L2HGDH: variants seen among roughly 807,000 people sequenced by gnomAD.
L2HGDH encodes the protein L-2-hydroxyglutarate dehydrogenase, mitochondrial.
In L2HGDH, 34 loss-of-function variants were observed where a neutral mutation model predicts 51.5. The observed-to-expected ratio is 0.66, with a 90% confidence interval of 0.50 to 0.88. The LOEUF is 0.88. Among genes scored for constraint, L2HGDH ranks in the 40% least tolerant of loss-of-function variants. The pLI is 0.00. For synonymous variants in L2HGDH, 198 were observed against 197.9 expected (o/e 1.00, Z -0.01); for missense variants, 558 against 571.9 (o/e 0.98, Z 0.25).
Position 50,242,869 on chromosome 14 carries a change from G to A in L2HGDH, c.*4189C>T, listed in dbSNP as rs1248875452. 1.0e-6 allele frequency: 1 copy of A among 985,356 alleles called. No individual in the cohort carries two copies. Among genetic ancestry groups the A allele is most frequent in the Non-Finnish European group, 1.2e-6 (1 of 829,954 alleles). The allele number at this position is 985,356 out of a possible 1,614,324, so 61.0% of individuals were successfully genotyped here. A position where few individuals can be genotyped will look rare whatever the true frequency, so the allele number is the denominator to read the frequency against. ...AGTCTAGACACAGATTAAGGGCCCA[G>A]GAGGGCAGAGCCAGTCCTTAAACAA... On this transcript the variant is annotated 3_prime_UTR_variant, in exon 10 of 10. Coordinates refer to ENST00000267436, the MANE Select transcript of L2HGDH (RefSeq NM_024884.3).
At chr14:50,293,260 A>G in intron 4 of L2HGDH, 1 of 702,364 alleles carries the variant, frequency 1.4e-6, no homozygotes, top group Non-Finnish European at 2.6e-6. Context: ...TTTTTTGATA[A>G]GTGATGCTGA....
intron 1 of L2HGDH, among the ~76,000 whole-genome samples, chr14:50,308,138 C>T (rs577266904): frequency 6.6e-6 from 1 of 152,216 alleles, no homozygotes; most frequent in South Asian, 2.1e-4. Flanking sequence ...CGCCTTTAAT[C>T]CCAGCACTTT....
At chr14:50,287,557 T>A (rs1350665654) in intron 4 of L2HGDH, among the ~76,000 whole-genome samples, 2 of 152,042 alleles carry the variant, frequency 1.3e-5, no homozygotes, top group African/African-American at 4.8e-5. Context: ...AATTGGCATG[T>A]CCTTTTGAAG....
chr14:50,305,317 G>T (rs1380022826), intron 1 of L2HGDH, among the ~76,000 whole-genome samples: 1 of 151,990 alleles, frequency 6.6e-6, no homozygotes, highest in Non-Finnish European at 1.5e-5. Flanking sequence ...AAAAAGAGAG[G>T]GCATAAAAAG....
At chr14:50,309,344 C>T (rs1595157520) in intron 1 of L2HGDH, among the ~76,000 whole-genome samples, 2 of 152,102 alleles carry the variant, frequency 1.3e-5, no homozygotes, top group African/African-American at 4.8e-5. Flanking sequence ...GGGTGGATCA[C>T]CTGAGGTCAG....
intron 5 of L2HGDH, among the ~76,000 whole-genome samples, chr14:50,282,814 G>T (rs1890346901): frequency 6.6e-6 from 1 of 152,112 alleles, no homozygotes; most frequent in Non-Finnish European, 1.5e-5. Context: ...GGTCAAGTGG[G>T]CAGATCACTT....
At chr14:50,293,835 C>T (rs1225074655) in intron 4 of L2HGDH, among the ~76,000 whole-genome samples, 1 of 152,202 alleles carries the variant, frequency 6.6e-6, no homozygotes, top group East Asian at 1.9e-4. Context: ...ATACCCAATG[C>T]TCCCAACCAC....
In L2HGDH at chr14:50,303,017, G is replaced by A. The variant is rs1331533062; in HGVS notation, c.141C>T (p.Ser47=). The part of the protein sequence containing the change: ...LCGGSRSAST[S]SFDIVIVGGG... ...CACCAACGATGACTATATCAAATGA[G>A]CTTCAAAAGAAAGTCATCTTTAAAG... Residue 47 remains serine, a splice_region_variant and synonymous_variant, in exon 2 of 10, where the codon AGC becomes AGT. Coordinates refer to ENST00000267436, the MANE Select transcript of L2HGDH (RefSeq NM_024884.3). 2 of 1,584,450 alleles carry A rather than the reference G, an allele frequency of 1.3e-6. No homozygotes were observed. The highest frequency in any genetic ancestry group is 1.3e-5 in the African/African-American group (1 of 74,422).
At chr14:50,263,180 A>G (rs968668771) in intron 9 of L2HGDH, among the ~76,000 whole-genome samples, 1 of 152,242 alleles carries the variant, frequency 6.6e-6, no homozygotes, top group Non-Finnish European at 1.5e-5. Flanking sequence ...TTTGTTTTCC[A>G]AGGAATATCA....
intron 7 of L2HGDH, 143 bp downstream of exon 7, chr14:50,269,020 C>A: frequency 3.2e-6 from 2 of 618,418 alleles, no homozygotes; most frequent in African/African-American, 1.8e-5. Flanking sequence ...AGGGATTTAA[C>A]CACAAGAGAA....
At position 50,246,869 on chromosome 14, in the gene L2HGDH, T is replaced by G. The variant is rs950058993; in HGVS notation, c.*189A>C. On this transcript the variant is annotated 3_prime_UTR_variant, in exon 10 of 10. Coordinates refer to ENST00000267436, the MANE Select transcript of L2HGDH (RefSeq NM_024884.3). Reference sequence around the variant, plus strand: ...TCCTGAGTAGCTGAGATTACAGGCATGCGCCACCATGCCTGGCTAATTTTT... The same window carrying G: ...TCCTGAGTAGCTGAGATTACAGGCAGGCGCCACCATGCCTGGCTAATTTTT... The G allele has an allele frequency of 3.9e-5, 38 of 986,244 alleles. No individual in the cohort carries two copies. In the Admixed American group the frequency reaches 1.1e-3, roughly 29 times the overall value. The allele number at this position is 986,244 out of a possible 1,614,324, so 61.1% of individuals were successfully genotyped here. A position where few individuals can be genotyped will look rare whatever the true frequency, so the allele number is the denominator to read the frequency against.
intron 4 of L2HGDH, among the ~76,000 whole-genome samples, chr14:50,285,596 T>G (rs1379506106): frequency 6.6e-6 from 1 of 152,226 alleles, no homozygotes; most frequent in Non-Finnish European, 1.5e-5. Flanking sequence ...CCATGAAAAC[T>G]TCCTTACCTA....
intron 9 of L2HGDH, among the ~76,000 whole-genome samples, chr14:50,262,611 A>G (rs556384485): frequency 4.1e-4 from 62 of 152,174 alleles, no homozygotes; most frequent in African/African-American, 1.4e-3. Flanking sequence ...TTCCCTCACC[A>G]GAGGTAACCA....
intron 3 of L2HGDH, among the ~76,000 whole-genome samples, chr14:50,301,411 G>A (rs2139211071): frequency 6.7e-6 from 1 of 149,154 alleles, no homozygotes; most frequent in South Asian, 2.1e-4. Flanking sequence ...GCCAAAAGGT[G>A]GAAACAATCC....
chr14:50,302,083 T>A lies in L2HGDH; in HGVS notation c.342A>T (p.Val114=), dbSNP rs1194549916. Residue 114 remains valine, a synonymous_variant, in exon 3 of 10, where the codon GTA becomes GTT. Transcript: ENST00000267436. ...KPESLKAKLC[V]QGAALLYEYC... ...ACTCATAGAGGAGGGCTGCACCTTG[T>A]ACACATAATTTGGCTTTCAGAGACT... The A allele has an allele frequency of 3.1e-6, 5 of 1,614,038 alleles. No homozygotes were observed. Among genetic ancestry groups the A allele is most frequent in the Non-Finnish European group, 4.2e-6 (5 of 1,180,026 alleles).
In L2HGDH at chr14:50,245,259, C is replaced by G. The variant is rs1020138071; in HGVS notation, c.*1799G>C. ...TGAGAGCCTTAGTGTGACTAAAGATCAGAGATATAATAGATAAATAACTTT... is the reference window on the plus strand; with the variant it reads ...TGAGAGCCTTAGTGTGACTAAAGATGAGAGATATAATAGATAAATAACTTT... On this transcript the variant is annotated 3_prime_UTR_variant, in exon 10 of 10. Coordinates refer to ENST00000267436, the MANE Select transcript of L2HGDH (RefSeq NM_024884.3). The G allele has an allele frequency of 2.0e-6, 2 of 984,906 alleles. No homozygotes were observed. The highest frequency in any genetic ancestry group is 2.4e-6 in the Non-Finnish European group (2 of 829,618). The allele number at this position is 984,906 out of a possible 1,614,324, so 61.0% of individuals were successfully genotyped here. A position where few individuals can be genotyped will look rare whatever the true frequency, so the allele number is the denominator to read the frequency against.
In L2HGDH at chr14:50,243,430, T is replaced by G; in HGVS notation, c.*3628A>C. 1.0e-6 allele frequency: 1 copy of G among 955,704 alleles called. No individual in the cohort carries two copies. The allele number at this position is 955,704 out of a possible 1,614,324, so 59.2% of individuals were successfully genotyped here. A position where few individuals can be genotyped will look rare whatever the true frequency, so the allele number is the denominator to read the frequency against. ...ATGTTTTACACATAAAAAAATTTATTTGCATAAAAGTTTTTATGGAACTAA... is the reference window on the plus strand; with the variant it reads ...ATGTTTTACACATAAAAAAATTTATGTGCATAAAAGTTTTTATGGAACTAA... On this transcript the variant is annotated 3_prime_UTR_variant, in exon 10 of 10. Coordinates refer to ENST00000267436, the MANE Select transcript of L2HGDH (RefSeq NM_024884.3).
intron 5 of L2HGDH, chr14:50,282,620 C>T (rs1890333840): frequency 7.2e-6 from 3 of 417,540 alleles, no homozygotes; most frequent in Non-Finnish European, 1.4e-5. Context: ...ACAACCATGG[C>T]CAAGTTTCTT....
At chr14:50,289,073 T>C (rs1890723795) in intron 4 of L2HGDH, among the ~76,000 whole-genome samples, 2 of 152,326 alleles carry the variant, frequency 1.3e-5, no homozygotes, top group South Asian at 4.1e-4. Context: ...AGCAAAAAGT[T>C]CAGAGATTTC....
Sources: gnomAD v4.1 joint callset for allele counts (sites outside exome capture counted in the v4.1 genomes callset) on GRCh38, gnomAD v4.1.1 for gene constraint, MANE v1.5 for transcripts, NCBI Gene and HGNC (gene_info 2026-07-23, HGNC 2026-07-21) for gene names.